Variants in PLEKHG7 observed in about 807,000 individuals in gnomAD.
PLEKHG7 encodes the protein pleckstrin homology and RhoGEF domain containing G7, also known as pleckstrin homology domain-containing family G member 7.
Under a neutral mutation model 85.2 loss-of-function variants are expected in PLEKHG7, and 77 were observed. The ratio of observed to expected loss-of-function variants is 0.90; its 90% CI spans 0.75 to 1.09. The LOEUF is 1.09. Ranked by LOEUF, PLEKHG7 falls within the 50% of genes least tolerant of loss-of-function variation. The pLI, the probability that PLEKHG7 is intolerant of heterozygous loss-of-function variation, is 0.00. For synonymous variants in PLEKHG7, 301 were observed against 302.4 expected, an observed-to-expected ratio of 1.00 and a Z score of 0.05; for missense variants, 777 against 804.3, an observed-to-expected ratio of 0.97 and a Z score of 0.41.
In PLEKHG7 at chr12:92,728,576, G is replaced by A. The variant is rs1360141013; in HGVS notation, c.531-417G>A. Among the ~76,000 whole-genome samples, 797 of 143,292 alleles carry A rather than the reference G, an allele frequency of 5.6e-3. 13 individuals are homozygous for A. Among genetic ancestry groups the A allele is most frequent in the African/African-American group, 0.022 (737 of 34,004 alleles). The allele number at this position is 143,292 out of a possible 152,430, so 94.0% of individuals were successfully genotyped here. On this transcript the variant is annotated intron_variant, in intron 3 of 16. Coordinates refer to ENST00000344636, the MANE Select transcript of PLEKHG7 (RefSeq NM_001377329.1). ...ACACCACATTCCATGGTGTGTGTAT[G>A]TGTACACATACCACATTCCATGGTG...
At chr12:92,712,955 C>T (rs1433037719) in intron 3 of PLEKHG7, among the ~76,000 whole-genome samples, 1 of 152,156 alleles carries the variant, frequency 6.6e-6, no homozygotes, top group African/African-American at 2.4e-5. Flanking sequence ...CAGCTCAAAG[C>T]CAGTGTCCAG....
intron 3 of PLEKHG7, among the ~76,000 whole-genome samples, chr12:92,714,465 C>T (rs972938424): frequency 6.6e-6 from 1 of 152,200 alleles, no homozygotes; most frequent in African/African-American, 2.4e-5. Flanking sequence ...CCTGGTGGGG[C>T]TGTGCATGCA....
At chr12:92,707,457 C>T in intron 2 of PLEKHG7, 193 bp from the exon 3 acceptor site, 2 of 1,440,512 alleles carry the variant, frequency 1.4e-6, no homozygotes, top group East Asian at 2.5e-5. Context: ...CAAATGCACA[C>T]TATTTAAAGA....
At chr12:92,715,258 T>A (rs1871449737) in intron 3 of PLEKHG7, among the ~76,000 whole-genome samples, 2 of 152,094 alleles carry the variant, frequency 1.3e-5, no homozygotes, top group African/African-American at 2.4e-5. Context: ...ATCTTCACGT[T>A]TTTCTGCCTG....
At chr12:92,737,625 A>G (rs1872198725) in intron 7 of PLEKHG7, 104 bp downstream of exon 7, 2 of 1,137,520 alleles carry the variant, frequency 1.8e-6, no homozygotes, top group Non-Finnish European at 2.5e-6. Flanking sequence ...AAGAGAGAAA[A>G]GAAAGAAAGA....
At chr12:92,746,465 A>T (rs1332936774) in intron 10 of PLEKHG7, among the ~76,000 whole-genome samples, 1 of 152,192 alleles carries the variant, frequency 6.6e-6, no homozygotes, top group African/African-American at 2.4e-5. Context: ...TAGGGAAGAG[A>T]CTTGGCCATA....
At chr12:92,756,024 C>G in intron 12 of PLEKHG7, 84 bp downstream of exon 12, 3 of 901,730 alleles carry the variant, frequency 3.3e-6, no homozygotes, top group South Asian at 3.1e-5. Flanking sequence ...TTAGATGTCC[C>G]CATCTGTCCA....
At chr12:92,765,232 AT>A (rs1252359539) in intron 15 of PLEKHG7, among the ~76,000 whole-genome samples, 1 of 151,918 alleles carries the variant, frequency 6.6e-6, no homozygotes, top group Non-Finnish European at 1.5e-5. Flanking sequence ...TCATACTATA[AT>A]CCCAGTACTT....
At chr12:92,765,514 A>G (rs970959391) in intron 15 of PLEKHG7, among the ~76,000 whole-genome samples, 2 of 151,838 alleles carry the variant, frequency 1.3e-5, no homozygotes, top group Non-Finnish European at 2.9e-5. Context: ...CTGTGACCCC[A>G]GCTACTCTGG....
chr12:92,748,967 G>T (rs1052574623), intron 10 of PLEKHG7, among the ~76,000 whole-genome samples: 1 of 152,168 alleles, frequency 6.6e-6, no homozygotes, highest in African/African-American at 2.4e-5. Context: ...ATTTGATATT[G>T]TTCCCGTTTT....
intron 10 of PLEKHG7, 126 bp from the exon 11 acceptor site, chr12:92,753,964 C>A: frequency 1.1e-6 from 1 of 897,436 alleles, no homozygotes; most frequent in Non-Finnish European, 1.7e-6. Context: ...TAAATTGTCC[C>A]AGCAAACTCA....
chr12:92,725,050 A>G (rs192419110), intron 3 of PLEKHG7, among the ~76,000 whole-genome samples: 106 of 152,238 alleles, frequency 7.0e-4, no homozygotes, highest in African/African-American at 2.6e-3. Flanking sequence ...AATATAGACA[A>G]TTGACTAAAG....
intron 3 of PLEKHG7, among the ~76,000 whole-genome samples, chr12:92,709,787 A>G (rs185070656): frequency 3.2e-4 from 49 of 152,362 alleles, no homozygotes; most frequent in African/African-American, 9.9e-4. Flanking sequence ...TCATGCCTAT[A>G]ATCCCAGCAC....
In PLEKHG7 at chr12:92,729,011, G is replaced by A. The variant is rs948395920; in HGVS notation, c.549G>A (p.Arg183=). 1.6e-6 allele frequency: 2 copies of A among 1,231,694 alleles called. No homozygotes were observed. Among genetic ancestry groups the A allele is most frequent in the African/African-American group, 3.1e-5 (2 of 64,362 alleles). The allele number at this position is 1,231,694 out of a possible 1,614,324, so 76.3% of individuals were successfully genotyped here. The change falls in exon 4 of 17, where the codon CGG becomes CGA. Residue 183 remains arginine, a synonymous_variant. Coordinates refer to ENST00000344636, the MANE Select transcript of PLEKHG7 (RefSeq NM_001377329.1). The part of the protein sequence containing the change: ...LHPSRFYEHR[R]SSVVLNLPGL... ...AGCACAGGTTCTACGAGCACAGGCG[G>A]AGTTCTGTGGTGCTGAACTTACCTG...
At chr12:92,757,980 G>A (rs1291987960) in intron 13 of PLEKHG7, among the ~76,000 whole-genome samples, 1 of 152,152 alleles carries the variant, frequency 6.6e-6, no homozygotes, top group Non-Finnish European at 1.5e-5. Flanking sequence ...GAAGACTCGG[G>A]GCCTGTCTGT....
chr12:92,732,082 C>A (rs576265830), intron 4 of PLEKHG7, among the ~76,000 whole-genome samples, 151 bp from the exon 5 acceptor site: 2 of 152,246 alleles, frequency 1.3e-5, no homozygotes, highest in Non-Finnish European at 2.9e-5. Context: ...TATAAATATT[C>A]ATTTTGTGCA....
At chr12:92,739,054 A>C (rs2136602733) in intron 7 of PLEKHG7, among the ~76,000 whole-genome samples, 1 of 152,318 alleles carries the variant, frequency 6.6e-6, no homozygotes, top group Admixed American at 6.5e-5. Flanking sequence ...AACAAAACAA[A>C]ACAAAACAAA....
chr12:92,715,865 T>A (rs541453676), intron 3 of PLEKHG7, among the ~76,000 whole-genome samples: 9 of 152,300 alleles, frequency 5.9e-5, no homozygotes, highest in African/African-American at 2.2e-4. Context: ...GTTTCAACAT[T>A]GTAATGGCAG....
At chr12:92,766,105 C>T (rs1004984003) in intron 15 of PLEKHG7, among the ~76,000 whole-genome samples, 2 of 152,204 alleles carry the variant, frequency 1.3e-5, no homozygotes, top group East Asian at 1.9e-4. Flanking sequence ...TGAGTGCTCT[C>T]ACTTTCAGTG....
Sources: gnomAD v4.1 joint callset for allele counts (sites outside exome capture counted in the v4.1 genomes callset) on GRCh38, gnomAD v4.1.1 for gene constraint, MANE v1.5 for transcripts, NCBI Gene and HGNC (gene_info 2026-07-23, HGNC 2026-07-21) for gene names.